Variants in PDE1C observed in about 807,000 individuals in gnomAD.
The protein encoded by PDE1C is phosphodiesterase 1C.
PDE1C carries 62 observed loss-of-function variants against 93.1 expected under a neutral mutation model. The ratio of observed to expected loss-of-function variants is 0.67; its 90% confidence interval spans 0.54 to 0.82. PDE1C has a LOEUF of 0.82. PDE1C is among the 40% of genes least tolerant of loss of function. The pLI is 0.00. For synonymous variants in PDE1C, 325 were observed against 310.1 expected (o/e 1.05, Z -0.50); for missense variants, 742 against 884.6 (o/e 0.84, Z 2.04).
chr7:32,240,834 G>A (rs1054135819), intron 1 of PDE1C, among the ~76,000 whole-genome samples: 1 of 152,290 alleles, frequency 6.6e-6, no homozygotes, highest in African/African-American at 2.4e-5. Context: ...CCACTTGGGA[G>A]GCTAATACAA....
the PDE1C span, chr7:31,643,082 C>G: frequency 6.2e-7 from 1 of 1,613,972 alleles, no homozygotes; most frequent in Non-Finnish European, 8.5e-7. Flanking sequence ...TTTATGGTAA[C>G]CCACGTCACA....
At chr7:31,694,389 C>CACACACACACACAA in the PDE1C span, among the ~76,000 whole-genome samples, 2 of 146,702 alleles carry the variant, frequency 1.4e-5, no homozygotes, top group African/African-American at 4.9e-5. Flanking sequence ...CTCTCTCAAA[C>CACACACACACACAA]ACACACACAC....
At chr7:32,021,300 C>T (rs1169158640) in intron 2 of PDE1C, among the ~76,000 whole-genome samples, 1 of 152,064 alleles carries the variant, frequency 6.6e-6, no homozygotes, top group African/African-American at 2.4e-5. Context: ...ACATTTATTC[C>T]CTAAAATCCA....
intron 11 of PDE1C, among the ~76,000 whole-genome samples, chr7:31,835,301 CCTA>C (rs1790923538): frequency 6.6e-6 from 1 of 152,016 alleles, no homozygotes; most frequent in African/African-American, 2.4e-5. Context: ...AGAACATCCT[CCTA>C]CTACTATTAG....
intron 16 of PDE1C, among the ~76,000 whole-genome samples, chr7:31,791,060 A>G (rs1444960592): frequency 6.6e-6 from 1 of 152,102 alleles, no homozygotes; most frequent in African/African-American, 2.4e-5. Context: ...GGGTAACACT[A>G]TTATCTACAG....
At chr7:31,743,894 C>T in the PDE1C span, among the ~76,000 whole-genome samples, 5 of 152,054 alleles carry the variant, frequency 3.3e-5, no homozygotes. Flanking sequence ...TTGTCATGAA[C>T]TCATGGGCTG....
At chr7:31,636,716 T>TTC in the PDE1C span, among the ~76,000 whole-genome samples, 1 of 149,414 alleles carries the variant, frequency 6.7e-6, no homozygotes. Flanking sequence ...TAAAGGGATC[T>TTC]TTTTTTTTTA....
chr7:32,165,149 GAGCCACAAA>G (rs1436354381), intron 3 of PDE1C, among the ~76,000 whole-genome samples: 2 of 152,176 alleles, frequency 1.3e-5, no homozygotes, highest in African/African-American at 2.4e-5. Flanking sequence ...TCTGCACGTG[GAGCCACAAA>G]ACCCATGTTT....
chr7:31,659,784 T>C, the PDE1C span, among the ~76,000 whole-genome samples: 1 of 152,312 alleles, frequency 6.6e-6, no homozygotes, highest in South Asian at 2.1e-4. Flanking sequence ...TCAAATCATG[T>C]AGAGCTATAG....
chr7:32,260,631 G>GA (rs1810134073), intron 1 of PDE1C, among the ~76,000 whole-genome samples: 3 of 152,292 alleles, frequency 2.0e-5, no homozygotes, highest in African/African-American at 7.2e-5. Context: ...AAAGAAATCA[G>GA]AACTAACCAA....
intron 6 of PDE1C, among the ~76,000 whole-genome samples, chr7:31,866,784 C>T (rs1583675377): frequency 6.6e-6 from 1 of 152,080 alleles, no homozygotes; most frequent in Admixed American, 6.5e-5. Context: ...CCTGGAGAGG[C>T]TATCTCTCCA....
At chr7:31,808,298 T>C in intron 16 of PDE1C, 1 of 373,364 alleles carries the variant, frequency 2.7e-6, no homozygotes. Flanking sequence ...CTTTAATTTT[T>C]AGCTTAATAT....
At chr7:32,314,057 AAAAT>A (rs1420478846) in intron 1 of PDE1C, among the ~76,000 whole-genome samples, 2 of 152,042 alleles carry the variant, frequency 1.3e-5, no homozygotes, top group South Asian at 2.1e-4. Context: ...AGAAATGAAA[AAAAT>A]AAATAAATAA....
intron 1 of PDE1C, among the ~76,000 whole-genome samples, chr7:32,339,287 C>T (rs928864176): frequency 6.6e-6 from 1 of 152,036 alleles, no homozygotes; most frequent in Non-Finnish European, 1.5e-5. Flanking sequence ...CTGTATTATA[C>T]GATGAGCCTA....
At chr7:31,891,813 C>T (rs969323432) in intron 2 of PDE1C, among the ~76,000 whole-genome samples, 3 of 148,748 alleles carry the variant, frequency 2.0e-5, no homozygotes, top group Non-Finnish European at 4.5e-5. Flanking sequence ...CATACACACA[C>T]ACACACACAC....
upstream of PDE1C, among the ~76,000 whole-genome samples, chr7:32,300,164 C>G (rs1366936976): frequency 6.6e-6 from 1 of 152,118 alleles, no homozygotes; most frequent in Non-Finnish European, 1.5e-5. Context: ...CATTAAAACC[C>G]CCAAGCCTAC....
chr7:32,311,872 C>T (rs536629939), intron 1 of PDE1C, among the ~76,000 whole-genome samples: 2 of 152,240 alleles, frequency 1.3e-5, no homozygotes, highest in South Asian at 2.1e-4. Flanking sequence ...TCTCGCCACT[C>T]CTATTCAACA....
At chr7:32,406,195 C>T (rs926627634) in intron 1 of PDE1C, among the ~76,000 whole-genome samples, 2 of 152,196 alleles carry the variant, frequency 1.3e-5, no homozygotes, top group Non-Finnish European at 2.9e-5. Flanking sequence ...TTCCCCTGCA[C>T]CATCAGGCTC....
chr7:32,057,771 T>A (rs959863925), intron 1 of PDE1C, among the ~76,000 whole-genome samples: 2 of 152,172 alleles, frequency 1.3e-5, no homozygotes, highest in Non-Finnish European at 2.9e-5. Flanking sequence ...AGGGTCTTTA[T>A]TTGCTTTTTG....
Sources: gnomAD v4.1 joint callset for allele counts (sites outside exome capture counted in the v4.1 genomes callset) on GRCh38, gnomAD v4.1.1 for gene constraint, MANE v1.5 for transcripts, NCBI Gene and HGNC (gene_info 2026-07-23, HGNC 2026-07-21) for gene names.